ARHGAP21: variants seen among roughly 807,000 people sequenced by gnomAD.
The protein encoded by ARHGAP21 is Rho GTPase activating protein 21, also known as rho GTPase-activating protein 21.
Under a neutral mutation model 164.6 loss-of-function variants are expected in ARHGAP21, and 38 were observed. The observed-to-expected ratio is 0.23, with a 90% CI of 0.18 to 0.30. The LOEUF is 0.30. ARHGAP21 is among the 10% of genes least tolerant of loss of function. ARHGAP21 has a pLI of 1.00. For missense variants in ARHGAP21, 1,822 were observed against 2,370.7 expected, an observed-to-expected ratio of 0.77 and a Z score of 4.81; for synonymous variants, 766 against 857.9, an observed-to-expected ratio of 0.89 and a Z score of 1.87.
chr10:24,721,727 A>G, intron 2 of ARHGAP21, 110 bp downstream of exon 2: 1 of 1,283,104 alleles, frequency 7.8e-7, no homozygotes, highest in East Asian at 2.5e-5. Flanking sequence ...ACAGGCTCAA[A>G]GCCCCGGGAA....
chr10:24,597,592 G>C lies in ARHGAP21; in HGVS notation c.3198-9C>G. The C allele has an allele frequency of 6.2e-7, 1 of 1,613,394 alleles. No individual in the cohort carries two copies. The highest frequency in any genetic ancestry group is 2.2e-5 in the East Asian group (1 of 44,862). On this transcript the variant is annotated splice_polypyrimidine_tract_variant and intron_variant, in intron 15 of 25. Transcript: ENST00000396432. ...GCAACTGTTCTGCTTTGCTGTTGAA[G>C]GAAATGACATTTGTTAACAATTACA...
chr10:24,654,707 T>G (rs1347719799), intron 4 of ARHGAP21, among the ~76,000 whole-genome samples: 4 of 152,200 alleles, frequency 2.6e-5, no homozygotes, highest in Admixed American at 2.6e-4. Flanking sequence ...AAGTAATTTA[T>G]AGATTCAATG....
At chr10:24,637,885 GAC>G (rs1411220196) in intron 4 of ARHGAP21, among the ~76,000 whole-genome samples, 10 of 146,626 alleles carry the variant, frequency 6.8e-5, no homozygotes, top group African/African-American at 2.3e-4. Flanking sequence ...TTTTTTTTGA[GAC>G]AGAGTCTTGC....
chr10:24,628,851 A>C (rs1443693502), intron 7 of ARHGAP21, among the ~76,000 whole-genome samples: 3 of 133,920 alleles, frequency 2.2e-5, no homozygotes. Context: ...ATACACATAC[A>C]TATATATACA....
intron 9 of ARHGAP21, among the ~76,000 whole-genome samples, chr10:24,610,372 C>CA (rs66658477): frequency 0.017 from 1,859 of 109,498 alleles, 27 homozygotes; most frequent in African/African-American, 0.047. Flanking sequence ...GACTCTGTCA[C>CA]AAAAAAAAAA....
At chr10:24,718,916 T>C (rs72793521) in intron 2 of ARHGAP21, among the ~76,000 whole-genome samples, 22,977 of 152,078 alleles carry the variant, frequency 0.15, 2,209 homozygotes, top group Middle Eastern at 0.32. Context: ...ATCATGTGGT[T>C]AAGAAAGCTG....
chr10:24,712,227 C>T (rs925910486), intron 2 of ARHGAP21, among the ~76,000 whole-genome samples: 3 of 151,984 alleles, frequency 2.0e-5, no homozygotes, highest in African/African-American at 7.2e-5. Context: ...AGTTAAGGAT[C>T]TTGAGAATTA....
chr10:24,610,217 A>G (rs2077196400), intron 9 of ARHGAP21, among the ~76,000 whole-genome samples: 1 of 152,144 alleles, frequency 6.6e-6, no homozygotes, highest in Non-Finnish European at 1.5e-5. Flanking sequence ...TCTCTACCAA[A>G]AATACAAAAA....
chr10:24,720,871 G>C (rs1281224591), intron 2 of ARHGAP21, among the ~76,000 whole-genome samples: 2 of 151,646 alleles, frequency 1.3e-5, no homozygotes, highest in East Asian at 1.9e-4. Context: ...CATCTCAAAA[G>C]TAAAATTTAA....
At chr10:24,715,030 A>AAAAAAAAAAAAGAAAAGAAAAG (rs1845227981) in intron 2 of ARHGAP21, among the ~76,000 whole-genome samples, 11 of 5,062 alleles carry the variant, frequency 2.2e-3, no homozygotes, top group Non-Finnish European at 3.5e-3. Context: ...AGTCCATCTC[A>AAAAAAAAAAAAGAAAAGAAAAG]AAAAAAAAAA....
At position 24,597,359 on chromosome 10, in the gene ARHGAP21, G is replaced by A. The variant is rs1247694703; in HGVS notation, c.3334+88C>T. On this transcript the variant is annotated intron_variant, in intron 16 of 25. Coordinates refer to ENST00000396432, the MANE Select transcript of ARHGAP21 (RefSeq NM_020824.4). ...AGCTAGTTGACATGGGGCCTGGTCA[G>A]TAGAAATGGTACAGAAAACATAAAC... The A allele has an allele frequency of 1.3e-5, 19 of 1,503,028 alleles. No homozygotes were observed. The Admixed American group carries it at 1.4e-4, about 11-fold the overall frequency. The allele number at this position is 1,503,028 out of a possible 1,614,324, so 93.1% of individuals were successfully genotyped here.
rs546049038 is a variant in ARHGAP21 at position 24,721,278 on chromosome 10, G to T, written c.63+559C>A. ...GGGAGTTGGAATTACGACTCTGTAA[G>T]GTCGTTTTCCAAGGCTGTGCTTAAA... On this transcript the variant is annotated intron_variant, in intron 2 of 25. Coordinates refer to ENST00000396432, the MANE Select transcript of ARHGAP21 (RefSeq NM_020824.4). 2.0e-5 allele frequency among the ~76,000 whole-genome samples: 3 copies of T among 152,294 alleles called. No homozygotes were observed. The East Asian group carries it at 5.8e-4, about 29-fold the overall frequency.
At chr10:24,640,664 A>C (rs1023972043) in intron 4 of ARHGAP21, among the ~76,000 whole-genome samples, 1 of 152,164 alleles carries the variant, frequency 6.6e-6, no homozygotes, top group African/African-American at 2.4e-5. Context: ...TATTGAAATT[A>C]ATATCTATTT....
chr10:24,628,874 CAT>C (rs200822683), intron 7 of ARHGAP21: 11 of 112,444 alleles, frequency 9.8e-5, no homozygotes, highest in African/African-American at 3.8e-4. Context: ...TATATACATA[CAT>C]ATATACACAT....
intron 2 of ARHGAP21, among the ~76,000 whole-genome samples, chr10:24,683,316 A>G (rs1000291095): frequency 1.1e-4 from 16 of 152,168 alleles, no homozygotes; most frequent in African/African-American, 3.9e-4. Flanking sequence ...CTAACTGTTG[A>G]CATGAGTCCT....
chr10:24,629,222 C>T (rs1835603161), intron 7 of ARHGAP21: 1 of 150,726 alleles, frequency 6.6e-6, no homozygotes, highest in Admixed American at 6.6e-5. Flanking sequence ...CCAGGCTAGT[C>T]TCGAACTCCT....
intron 4 of ARHGAP21, among the ~76,000 whole-genome samples, chr10:24,663,808 C>T (rs930270214): frequency 6.6e-6 from 1 of 152,178 alleles, no homozygotes; most frequent in Non-Finnish European, 1.5e-5. Flanking sequence ...GGGTTACAGG[C>T]GTGAGCCACT....
intron 4 of ARHGAP21, among the ~76,000 whole-genome samples, chr10:24,638,709 A>G (rs902106273): frequency 1.3e-5 from 2 of 152,200 alleles, no homozygotes; most frequent in African/African-American, 4.8e-5. Flanking sequence ...CCTTATTCAA[A>G]TATCATTTCC....
intron 2 of ARHGAP21, among the ~76,000 whole-genome samples, chr10:24,684,718 A>C (rs911233238): frequency 6.6e-6 from 1 of 152,178 alleles, no homozygotes; most frequent in African/African-American, 2.4e-5. Flanking sequence ...AGCTCACTGC[A>C]ACCTCCACCT....
Sources: allele counts gnomAD v4.1 joint callset (sites outside exome capture counted in the v4.1 genomes callset), GRCh38; gene constraint gnomAD v4.1.1; transcripts MANE v1.5; gene names NCBI Gene and HGNC (gene_info 2026-07-23, HGNC 2026-07-21).